Variants in NELL1 observed in about 807,000 individuals in gnomAD.
NELL1 encodes the protein protein kinase C-binding protein NELL1.
A neutral mutation model predicts 107.4 loss-of-function variants in NELL1; 76 were observed. That is an observed-to-expected ratio of 0.71 (90% CI 0.59 to 0.86). The LOEUF (loss-of-function observed/expected upper bound fraction) is 0.86. Ranked by LOEUF, NELL1 falls within the 40% of genes least tolerant of loss-of-function variation. The pLI, the probability that NELL1 is intolerant of heterozygous loss-of-function variation, is 0.00. For synonymous variants in NELL1, 353 were observed against 341.2 expected (o/e 1.03, Z -0.38); for missense variants, 1,024 against 1,005.5 (o/e 1.02, Z -0.25).
chr11:21,343,295 G>A lies in NELL1; in HGVS notation c.1550-27558G>A, dbSNP rs548242373. Among the ~76,000 whole-genome samples the A allele has an allele frequency of 2.0e-5, 3 of 151,918 alleles. No individual in the cohort carries two copies. In the South Asian group the frequency reaches 6.2e-4, roughly 32 times the overall value. The stretch of plus-strand genomic sequence containing the variant: ...CTATGCAGGATGCATTTTCACAAAT[G>A]TATATGATTCATGATCTCGTTGCTC... On this transcript the variant is annotated intron_variant, in intron 14 of 19. Transcript: ENST00000357134.
chr11:21,480,799 C>T (rs1367448742), intron 15 of NELL1, among the ~76,000 whole-genome samples: 2 of 152,178 alleles, frequency 1.3e-5, no homozygotes, highest in Non-Finnish European at 1.5e-5. Context: ...TCCTGTTCCC[C>T]TCAGAATGCT....
At chr11:20,697,594 G>A (rs545552008) in intron 2 of NELL1, among the ~76,000 whole-genome samples, 17 of 152,080 alleles carry the variant, frequency 1.1e-4, no homozygotes, top group Non-Finnish European at 2.2e-4. Flanking sequence ...TGAGCTACAT[G>A]TTGTGGAAGA....
At chr11:21,415,612 T>C (rs1590915216) in intron 15 of NELL1, among the ~76,000 whole-genome samples, 1 of 152,224 alleles carries the variant, frequency 6.6e-6, no homozygotes, top group East Asian at 1.9e-4. Context: ...GGAATTGTCC[T>C]GGATAGTAAC....
intron 5 of NELL1, among the ~76,000 whole-genome samples, chr11:20,904,570 C>T (rs913023677): frequency 6.6e-6 from 1 of 152,072 alleles, no homozygotes; most frequent in Non-Finnish European, 1.5e-5. Flanking sequence ...TTCAAAATCA[C>T]CTGTGTGTTC....
intron 14 of NELL1, among the ~76,000 whole-genome samples, chr11:21,295,114 T>C (rs1002630676): frequency 2.0e-5 from 3 of 152,050 alleles, no homozygotes; most frequent in Non-Finnish European, 2.9e-5. Flanking sequence ...TTGTAATTGG[T>C]TTACAAATAT....
At chr11:21,141,016 A>G (rs772414092) in intron 13 of NELL1, among the ~76,000 whole-genome samples, 28 of 152,216 alleles carry the variant, frequency 1.8e-4, no homozygotes, top group Admixed American at 1.8e-3. Flanking sequence ...CCTGTGTCCC[A>G]GTATAGCAAG....
intron 13 of NELL1, among the ~76,000 whole-genome samples, chr11:21,224,830 C>G (rs954404384): frequency 6.6e-6 from 1 of 152,120 alleles, no homozygotes; most frequent in African/African-American, 2.4e-5. Flanking sequence ...ATATCTATCT[C>G]TTTGTTGAAT....
intron 12 of NELL1, among the ~76,000 whole-genome samples, chr11:20,981,956 TTCTC>T (rs68140364): frequency 0.16 from 23,109 of 148,578 alleles, 2,174 homozygotes; most frequent in East Asian, 0.26. Context: ...CTCTCTCTCT[TTCTC>T]TCTCTCTCTC....
At chr11:20,693,537 A>G (rs1225200632) in intron 2 of NELL1, among the ~76,000 whole-genome samples, 6 of 151,090 alleles carry the variant, frequency 4.0e-5, no homozygotes, top group Admixed American at 3.3e-4. Context: ...TTTCTCCTTC[A>G]CTTATGAAGC....
chr11:21,312,982 G>T lies in NELL1; in HGVS notation c.1550-57871G>T, dbSNP rs145274259. On this transcript the variant is annotated intron_variant, in intron 14 of 19. Coordinates refer to ENST00000357134, the MANE Select transcript of NELL1 (RefSeq NM_006157.5). ...TCCCAGCTACTTGGGAGGCTGAGGT[G>T]CAAGAATCCCTTGAACCTGAGAGGA... Among the ~76,000 whole-genome samples the T allele has an allele frequency of 2.0e-4, 31 of 151,974 alleles. 1 individual carries two copies. The East Asian group carries it at 6.0e-3, about 30-fold the overall frequency.
At chr11:21,060,489 A>G (rs1853713026) in intron 12 of NELL1, among the ~76,000 whole-genome samples, 1 of 152,164 alleles carries the variant, frequency 6.6e-6, no homozygotes, top group Non-Finnish European at 1.5e-5. Flanking sequence ...ATGTTTCTAT[A>G]TAACATTGCA....
At chr11:21,386,545 C>T (rs1003048681) in intron 15 of NELL1, among the ~76,000 whole-genome samples, 1 of 151,850 alleles carries the variant, frequency 6.6e-6, no homozygotes, top group African/African-American at 2.4e-5. Context: ...TTAAATTGCC[C>T]AGCAGTTTCT....
In NELL1 at chr11:20,876,244, T is replaced by A. The variant is rs146634715; in HGVS notation, c.507-9200T>A. Among the ~76,000 whole-genome samples the A allele has an allele frequency of 1.8e-3, 267 of 152,318 alleles. 1 individual carries two copies. The highest frequency in any genetic ancestry group is 6.2e-3 in the African/African-American group (259 of 41,548). ...GGGCATACTGTATTCATCCCCATAGTCTCTCTTCCCATTACAGTCTGTGTT... is the reference window on the plus strand; with the variant it reads ...GGGCATACTGTATTCATCCCCATAGACTCTCTTCCCATTACAGTCTGTGTT... On this transcript the variant is annotated intron_variant, in intron 4 of 19. Transcript: ENST00000357134.
At chr11:20,809,838 C>A (rs1857461661) in intron 3 of NELL1, among the ~76,000 whole-genome samples, 1 of 152,108 alleles carries the variant, frequency 6.6e-6, no homozygotes, top group South Asian at 2.1e-4. Context: ...GTGCAGATAT[C>A]TCTTTGACAT....
At chr11:20,941,537 T>C (rs1462100289) in intron 10 of NELL1, among the ~76,000 whole-genome samples, 3 of 152,136 alleles carry the variant, frequency 2.0e-5, no homozygotes, top group African/African-American at 4.8e-5. Context: ...CATGATATTT[T>C]TTTTTCTCCT....
intron 15 of NELL1, among the ~76,000 whole-genome samples, chr11:21,464,991 A>C (rs1853990756): frequency 6.6e-6 from 1 of 152,182 alleles, no homozygotes; most frequent in South Asian, 2.1e-4. Flanking sequence ...CAAAACTTTG[A>C]AAGGCAGGTA....
At chr11:21,377,819 G>A (rs768019996) in intron 15 of NELL1, among the ~76,000 whole-genome samples, 8 of 152,038 alleles carry the variant, frequency 5.3e-5, no homozygotes, top group Admixed American at 1.3e-4. Flanking sequence ...GCTAGTTTGT[G>A]TATGTAGTGG....
At chr11:20,814,836 C>T (rs1857588354) in intron 3 of NELL1, among the ~76,000 whole-genome samples, 2 of 152,262 alleles carry the variant, frequency 1.3e-5, no homozygotes, top group East Asian at 1.9e-4. Flanking sequence ...ATTGCTGAGT[C>T]AAATGGTAGT....
At chr11:21,213,701 A>G (rs1317582014) in intron 13 of NELL1, among the ~76,000 whole-genome samples, 1 of 152,186 alleles carries the variant, frequency 6.6e-6, no homozygotes, top group Admixed American at 6.5e-5. Context: ...AAATATAACA[A>G]ATTGGTTTTG....
Sources: allele counts gnomAD v4.1 joint callset (sites outside exome capture counted in the v4.1 genomes callset), GRCh38; gene constraint gnomAD v4.1.1; transcripts MANE v1.5; gene names NCBI Gene and HGNC (gene_info 2026-07-23, HGNC 2026-07-21).